COL24A1: variants seen among roughly 807,000 people sequenced by gnomAD.
The protein encoded by COL24A1 is collagen type XXIV alpha 1 chain.
In COL24A1, 224 loss-of-function variants were observed where a neutral mutation model predicts 253.9. The observed-to-expected ratio is 0.88, with a 90% confidence interval of 0.79 to 0.99. The LOEUF is 0.99. Among genes scored for constraint, COL24A1 ranks in the 50% least tolerant of loss-of-function variants. The pLI is 0.00. For synonymous variants in COL24A1, 685 were observed against 673.7 expected (o/e 1.02, Z -0.26); for missense variants, 2,131 against 2,068.5 (o/e 1.03, Z -0.59).
At chr1:86,030,124 C>T (rs1029779081) in intron 14 of COL24A1, 1 of 152,114 alleles carries the variant, frequency 6.6e-6, no homozygotes, top group African/African-American at 2.4e-5. Flanking sequence ...AAACGCAACC[C>T]TCTCAAAAAC....
At chr1:85,841,314 TAAATA>T (rs771160353) in intron 41 of COL24A1, 36 bp from the exon 42 acceptor site, 2 of 1,407,240 alleles carry the variant, frequency 1.4e-6, no homozygotes, top group South Asian at 1.3e-5. Context: ...CAAAACTCAA[TAAATA>T]AAATAAACAT....
chr1:86,005,756 G>A (rs981655326), intron 19 of COL24A1, among the ~76,000 whole-genome samples: 2 of 152,144 alleles, frequency 1.3e-5, no homozygotes, highest in Non-Finnish European at 1.5e-5. Context: ...CATACAGATT[G>A]AGAACAAAAA....
chr1:85,949,353 C>T lies in COL24A1; in HGVS notation c.2562+11896G>A, dbSNP rs531857706. On this transcript the variant is annotated intron_variant, in intron 24 of 59. Transcript: ENST00000370571. Reference sequence around the variant, plus strand: ...AAGTGCTAAAAATTACAAAAGACTACATTTTATCAAATTTAACAAGAGATA... The same window carrying T: ...AAGTGCTAAAAATTACAAAAGACTATATTTTATCAAATTTAACAAGAGATA... Among the ~76,000 whole-genome samples, 5 of 152,174 alleles carry T rather than the reference C, an allele frequency of 3.3e-5. No homozygotes were observed. The East Asian group carries it at 7.7e-4, about 24-fold the overall frequency.
At chr1:85,732,184 A>T (rs1663548335) in intron 59 of COL24A1, among the ~76,000 whole-genome samples, 2 of 152,108 alleles carry the variant, frequency 1.3e-5, no homozygotes, top group South Asian at 4.1e-4. Context: ...CAGTACAGTA[A>T]GGCCTGGGCT....
At chr1:85,739,821 C>G (rs1251554033) in intron 57 of COL24A1, among the ~76,000 whole-genome samples, 1 of 152,130 alleles carries the variant, frequency 6.6e-6, no homozygotes, top group Non-Finnish European at 1.5e-5. Flanking sequence ...TACCCTCGTA[C>G]CTTACTTTAA....
At chr1:85,971,284 G>A (rs1275545525) in intron 21 of COL24A1, 56 bp downstream of exon 21, 1 of 1,471,810 alleles carries the variant, frequency 6.8e-7, no homozygotes. Context: ...AAATAAAAAG[G>A]GAAAATTTTA....
chr1:85,884,346 T>C (rs1185842744), intron 32 of COL24A1, among the ~76,000 whole-genome samples: 1 of 152,136 alleles, frequency 6.6e-6, no homozygotes, highest in African/African-American at 2.4e-5. Context: ...TTAGGCTGTG[T>C]TTACTGGTTG....
At chr1:85,911,764 T>A (rs552063824) in intron 24 of COL24A1, among the ~76,000 whole-genome samples, 1 of 152,202 alleles carries the variant, frequency 6.6e-6, no homozygotes, top group African/African-American at 2.4e-5. Flanking sequence ...CTGTTTGATG[T>A]GGATATATTC....
intron 2 of COL24A1, among the ~76,000 whole-genome samples, chr1:86,133,415 T>C (rs1649640500): frequency 6.6e-6 from 1 of 152,218 alleles, no homozygotes. Context: ...AGAGAGGGCA[T>C]CCCTGTCTTG....
chr1:85,968,184 G>A (rs904326600), intron 22 of COL24A1, among the ~76,000 whole-genome samples: 4 of 152,160 alleles, frequency 2.6e-5, no homozygotes, highest in Middle Eastern at 3.4e-3. Flanking sequence ...ACTTGTGATC[G>A]TGTAAGTTAA....
intron 58 of COL24A1, among the ~76,000 whole-genome samples, chr1:85,735,438 C>T (rs912866545): frequency 1.3e-5 from 2 of 151,890 alleles, no homozygotes; most frequent in African/African-American, 4.8e-5. Flanking sequence ...TCTCTGCCTT[C>T]GAGATTTTTT....
intron 24 of COL24A1, among the ~76,000 whole-genome samples, chr1:85,942,881 G>A (rs1688881699): frequency 6.6e-6 from 1 of 152,120 alleles, no homozygotes; most frequent in African/African-American, 2.4e-5. Flanking sequence ...TTGATGAGGG[G>A]TAGACTCGAC....
intron 31 of COL24A1, among the ~76,000 whole-genome samples, chr1:85,894,667 A>G (rs985723647): frequency 3.9e-5 from 6 of 152,162 alleles, no homozygotes; most frequent in African/African-American, 1.4e-4. Flanking sequence ...ATTTATATCA[A>G]TATAATAGAA....
intron 43 of COL24A1, among the ~76,000 whole-genome samples, chr1:85,829,743 G>A (rs929641495): frequency 2.0e-5 from 3 of 151,954 alleles, no homozygotes; most frequent in Middle Eastern, 3.4e-3. Flanking sequence ...CATTCTTCAC[G>A]TAGTTCTCGA....
chr1:85,877,257 T>A (rs1047902666), intron 32 of COL24A1, 82 bp from the exon 33 acceptor site: 1 of 928,042 alleles, frequency 1.1e-6, no homozygotes, highest in Non-Finnish European at 1.6e-6. Context: ...ATGGGTTTTA[T>A]AATATAACAC....
intron 47 of COL24A1, among the ~76,000 whole-genome samples, chr1:85,810,141 TA>T (rs1412075758): frequency 1.3e-5 from 2 of 152,186 alleles, no homozygotes; most frequent in East Asian, 3.9e-4. Flanking sequence ...CAAATACAGC[TA>T]AAACCAAAAT....
chr1:85,935,750 A>T lies in COL24A1; in HGVS notation c.2563-24317T>A, dbSNP rs1334009407. ...ATTAATTCGGGAGCACTTTCCAAGT[A>T]TCAGACTGTATCCCTTATGCCTACT... is the stretch of plus-strand genomic sequence containing the variant. On this transcript the variant is annotated intron_variant, in intron 24 of 59. Transcript: ENST00000370571. Among the ~76,000 whole-genome samples, 2 of 147,290 alleles carry T rather than the reference A, an allele frequency of 1.4e-5. 1 individual carries two copies.
At chr1:85,734,110 C>G (rs1222015805) in intron 59 of COL24A1, among the ~76,000 whole-genome samples, 2 of 151,484 alleles carry the variant, frequency 1.3e-5, no homozygotes, top group Non-Finnish European at 2.9e-5. Flanking sequence ...ACCATGTTGG[C>G]CAGGCTGGTC....
intron 1 of COL24A1, among the ~76,000 whole-genome samples, chr1:86,149,920 C>CT (rs889310654): frequency 1.3e-5 from 2 of 152,224 alleles, no homozygotes; most frequent in Admixed American, 6.5e-5. Flanking sequence ...TTCTCTTTCT[C>CT]TTTGTCTAGT....
Sources: gnomAD v4.1 joint callset for allele counts (sites outside exome capture counted in the v4.1 genomes callset) on GRCh38, gnomAD v4.1.1 for gene constraint, MANE v1.5 for transcripts, NCBI Gene and HGNC (gene_info 2026-07-23, HGNC 2026-07-21) for gene names.